Variants in CC2D2A observed in about 807,000 individuals in gnomAD.
CC2D2A encodes the protein coiled-coil and C2 domain containing 2A, also known as coiled-coil and C2 domain-containing protein 2A.
A neutral mutation model predicts 212.9 loss-of-function variants in CC2D2A; 155 were observed. The ratio of observed to expected loss-of-function variants is 0.73; its 90% CI spans 0.64 to 0.83. The LOEUF is 0.83. Among genes scored for constraint, CC2D2A ranks in the 40% least tolerant of loss-of-function variants. The probability of loss-of-function intolerance (pLI) is 0.00; values close to 1 mark genes in which losing one functional copy is unlikely to be tolerated. For missense variants in CC2D2A, 1,856 were observed against 1,956.2 expected (o/e 0.95, Z 0.97); for synonymous variants, 667 against 686.5 (o/e 0.97, Z 0.44).
chr4:15,538,120 C>T lies in CC2D2A; in HGVS notation c.1986C>T (p.Pro662=), dbSNP rs1211132838. 6.3e-7 allele frequency: 1 copy of T among 1,586,674 alleles called. No individual in the cohort carries two copies. The highest frequency in any genetic ancestry group is 8.6e-7 in the Non-Finnish European group (1 of 1,164,906). ...TAAGCCTGGCAGGAAGCGTAACACC[C>T]AATGACCAGTGCCCCAGGTGAGTGG... ...PELSLAGSVT[P]NDQCPRAEVS... The change falls in exon 16 of 37, where the codon CCC becomes CCT. Residue 662 remains proline, a synonymous_variant. Transcript: ENST00000424120.
At chr4:15,548,664 A>T (rs560747956) in intron 17 of CC2D2A, among the ~76,000 whole-genome samples, 1 of 152,272 alleles carries the variant, frequency 6.6e-6, no homozygotes, top group South Asian at 2.1e-4. Context: ...ATGAGTTTGT[A>T]ATTTAAGAGG....
intron 8 of CC2D2A, 22 bp from the exon 9 acceptor site, chr4:15,514,685 G>T (rs571443591): frequency 6.2e-6 from 9 of 1,460,378 alleles, no homozygotes; most frequent in Admixed American, 2.3e-5. Flanking sequence ...ATTTTTTCTT[G>T]TTACTTTTTA....
At chr4:15,508,976 AAAAGGGGTG>A (rs1399877723) in intron 6 of CC2D2A, among the ~76,000 whole-genome samples, 1 of 152,192 alleles carries the variant, frequency 6.6e-6, no homozygotes, top group East Asian at 1.9e-4. Context: ...TCTGGGTTTT[AAAAGGGGTG>A]GATTAGAAGG....
chr4:15,533,332 A>C lies in CC2D2A; in HGVS notation c.1606A>C (p.Lys536Gln). The C allele has an allele frequency of 6.5e-7, 1 of 1,538,210 alleles. No homozygotes were observed. Among genetic ancestry groups the C allele is most frequent in the Non-Finnish European group, 8.7e-7 (1 of 1,144,824 alleles). ...TACTCCCTTGAAACTTGTTTTGAGA[A>C]AGTAGGCTTTTTTGAAAAATTATTT... is the stretch of plus-strand genomic sequence containing the variant. ...TNTPLKLVLR[K>Q]EKADQKADEE... The change falls in exon 14 of 37, where the codon AAG becomes CAG. Residue 536 changes from lysine to glutamine, a missense_variant and splice_region_variant. Coordinates refer to ENST00000424120, the MANE Select transcript of CC2D2A (RefSeq NM_001378615.1).
chr4:15,587,960 G>A (rs1277908292), intron 32 of CC2D2A, 31 bp downstream of exon 32: 2 of 1,198,804 alleles, frequency 1.7e-6, no homozygotes, highest in African/African-American at 3.0e-5. Flanking sequence ...TTTAACAGAG[G>A]AGTATAGTTG....
rs953629205 is a variant in CC2D2A, at chr4:15,570,478, A to G, written c.3576A>G (p.Thr1192=). ...WLGCVKMPFS[T]IYFQARIDGT... is the part of the protein sequence containing the mutation. ...GATGTGTGAAAATGCCATTTAGCAC[A>G]ATATATTTCCAAGCAAGGGTAAGTA... Residue 1192 remains threonine, a synonymous_variant, in exon 28 of 37, where the codon ACA becomes ACG. Transcript: ENST00000424120. 6.2e-7 allele frequency: 1 copy of G among 1,603,650 alleles called. No individual in the cohort carries two copies. The highest frequency in any genetic ancestry group is 8.5e-7 in the Non-Finnish European group (1 of 1,173,336).
intron 11 of CC2D2A, among the ~76,000 whole-genome samples, chr4:15,523,414 G>A (rs1295791800): frequency 1.3e-5 from 2 of 152,136 alleles, no homozygotes; most frequent in African/African-American, 4.8e-5. Flanking sequence ...CATACCCACT[G>A]GAGGACTGTG....
At chr4:15,591,133 T>C (rs1721086154) in intron 33 of CC2D2A, among the ~76,000 whole-genome samples, 1 of 152,212 alleles carries the variant, frequency 6.6e-6, no homozygotes, top group African/African-American at 2.4e-5. Flanking sequence ...CGTATCAATA[T>C]ACCAAAAACT....
At position 15,533,229 on chromosome 4, in the gene CC2D2A, A is replaced by G. The variant is rs1289429337; in HGVS notation, c.1503A>G (p.Lys501=). The G allele has an allele frequency of 6.3e-7, 1 of 1,596,352 alleles. No individual in the cohort carries two copies. The highest frequency in any genetic ancestry group is 8.5e-7 in the Non-Finnish European group (1 of 1,175,080). The change falls in exon 14 of 37, where the codon AAA becomes AAG. Residue 501 remains lysine, a synonymous_variant. Transcript: ENST00000424120. ...TRKFRDAEQE[K]DRTLLKTIIK... ...AATTCCGTGATGCTGAACAAGAAAA[A>G]GATAGAACATTGCTTAAGACTATCA...
Position 15,589,472 on chromosome 4 carries a change from G to A in CC2D2A, c.4180-73G>A, listed in dbSNP as rs531882675. On this transcript the variant is annotated intron_variant, in intron 32 of 36. Transcript: ENST00000424120. ...AAGGGTCCAAGTAAAATAATGAATT[G>A]TCTGTGCAAACTACTATTGGCCTTC... 65 of 1,270,184 alleles carry A rather than the reference G, an allele frequency of 5.1e-5. No individual in the cohort carries two copies. In the East Asian group the frequency reaches 1.2e-3, roughly 23 times the overall value. The allele number at this position is 1,270,184 out of a possible 1,614,324, so 78.7% of individuals were successfully genotyped here.
rs756638247 is a variant in CC2D2A, at chr4:15,533,287, G to A, written c.1561G>A (p.Glu521Lys). 1.9e-6 allele frequency: 3 copies of A among 1,592,876 alleles called. No individual in the cohort carries two copies. The East Asian group carries it at 6.8e-5, about 36-fold the overall frequency. ...TTGGAAAGAGATGAAATCCCTTCGA[G>A]AGTTCCAGAGATTTACAAATACTCC... The part of the protein sequence containing the change: ...KVWKEMKSLR[E>K]FQRFTNTPLK... The change falls in exon 14 of 37, where the codon GAG (glutamate) becomes AAG (lysine). Residue 521 changes from glutamate to lysine, a missense_variant. Glu to Lys is a moderately conservative substitution (Grantham distance 56). This residue lies in a region of CC2D2A where 1,512 missense variants were observed against 1,579.3 expected (regional missense o/e 0.96). Transcript: ENST00000424120.
chr4:15,499,761 G>T (rs760845372), intron 4 of CC2D2A, among the ~76,000 whole-genome samples: 3 of 152,038 alleles, frequency 2.0e-5, no homozygotes, highest in African/African-American at 7.2e-5. Flanking sequence ...GGTGGAGGGG[G>T]TTGGTGACAG....
intron 27 of CC2D2A, 47 bp from the exon 28 acceptor site, chr4:15,570,351 A>C (rs750472934): frequency 8.6e-7 from 1 of 1,159,258 alleles, no homozygotes; most frequent in Non-Finnish European, 1.2e-6. Flanking sequence ...TAATTAAATG[A>C]GTTTCTGGAG....
intron 30 of CC2D2A, among the ~76,000 whole-genome samples, chr4:15,582,967 A>C (rs1485947211): frequency 2.6e-5 from 4 of 152,230 alleles, no homozygotes; most frequent in Non-Finnish European, 5.9e-5. Flanking sequence ...AAAATTCAAT[A>C]ATATATTAAA....
chr4:15,586,212 T>A lies in CC2D2A; in HGVS notation c.4031T>A (p.Phe1344Tyr). 6.2e-7 allele frequency: 1 copy of A among 1,608,848 alleles called. No individual in the cohort carries two copies. The part of the protein sequence containing the change: ...LIPFLPDTVS[F>Y]GGICDLWSTS... ...CCCTTCTTGCCTGACACTGTCTCAT[T>A]TGGTGGTATCTGTGACCTCTGGAGC... The change falls in exon 31 of 37, where the codon TTT becomes TAT. Residue 1344 changes from phenylalanine (F) to tyrosine (Y), a missense_variant. Around this residue, in one of 5 missense-constraint regions of CC2D2A, gnomAD observed 36 missense variants for 35.5 expected, o/e 1.02. Coordinates refer to ENST00000424120, the MANE Select transcript of CC2D2A (RefSeq NM_001378615.1).
chr4:15,524,231 T>C (rs1717369584), intron 11 of CC2D2A, among the ~76,000 whole-genome samples: 1 of 151,810 alleles, frequency 6.6e-6, no homozygotes, highest in African/African-American at 2.4e-5. Flanking sequence ...CCTCCTGGGT[T>C]CAAGCAATTC....
chr4:15,493,269 T>C (rs73235016), intron 4 of CC2D2A, among the ~76,000 whole-genome samples: 88 of 150,718 alleles, frequency 5.8e-4, no homozygotes, highest in Middle Eastern at 3.4e-3. Context: ...TATTTATTTA[T>C]TTACTTACTT....
intron 1 of CC2D2A, among the ~76,000 whole-genome samples, chr4:15,470,506 A>G (rs542827148): frequency 6.6e-6 from 1 of 152,280 alleles, no homozygotes; most frequent in South Asian, 2.1e-4. Context: ...AAGAAAATGT[A>G]CTGGCTACAA....
intron 17 of CC2D2A, among the ~76,000 whole-genome samples, chr4:15,544,733 C>T (rs1718624329): frequency 1.3e-5 from 2 of 152,184 alleles, no homozygotes; most frequent in South Asian, 2.1e-4. Flanking sequence ...TTTTATTTCA[C>T]ATATATTCTA....
Sources: allele counts gnomAD v4.1 joint callset (sites outside exome capture counted in the v4.1 genomes callset), GRCh38; gene constraint gnomAD v4.1.1; regional missense constraint gnomAD v4.1.1; transcripts MANE v1.5; gene names NCBI Gene and HGNC (gene_info 2026-07-23, HGNC 2026-07-21).